FKTN: variants seen among roughly 807,000 people sequenced by gnomAD.
The protein encoded by FKTN is ribitol-5-phosphate transferase FKTN.
A neutral mutation model predicts 58.6 loss-of-function variants in FKTN; 47 were observed. The ratio of observed to expected loss-of-function variants is 0.80; its 90% confidence interval spans 0.63 to 1.02. The LOEUF (loss-of-function observed/expected upper bound fraction) is 1.02. FKTN is among the 50% of genes least tolerant of loss of function. FKTN has a pLI of 0.00. For missense variants in FKTN, 516 were observed against 537.3 expected (o/e 0.96, Z 0.39); for synonymous variants, 178 against 191.9 (o/e 0.93, Z 0.60).
chr9:105,584,922 A>G (rs1412056227), intron 3 of FKTN, among the ~76,000 whole-genome samples: 1 of 152,108 alleles, frequency 6.6e-6, no homozygotes, highest in Non-Finnish European at 1.5e-5. Flanking sequence ...GAGTTCAGAA[A>G]CTGTTATTTA....
rs571072693 is a variant in FKTN, at chr9:105,561,969, G to A, written c.-181+3804G>A. On this transcript the variant is annotated intron_variant, in intron 1 of 10. Coordinates refer to ENST00000357998, the MANE Select transcript of FKTN (RefSeq NM_001079802.2). ...CTGACCTCTGAATTCATTTTCAGAC[G>A]CATTTTCTCTTTATGCCTGCCAATC... Among the ~76,000 whole-genome samples, 30 of 150,580 alleles carry A rather than the reference G, an allele frequency of 2.0e-4. No homozygotes were observed. The South Asian group carries it at 5.9e-3, about 30-fold the overall frequency.
intron 3 of FKTN, among the ~76,000 whole-genome samples, chr9:105,594,861 G>A (rs941737026): frequency 6.6e-6 from 1 of 152,206 alleles, no homozygotes; most frequent in Non-Finnish European, 1.5e-5. Context: ...GAAGTCAGAT[G>A]GAGGAAAGTT....
chr9:105,607,603 T>C (rs568754248), intron 6 of FKTN, among the ~76,000 whole-genome samples: 1 of 151,948 alleles, frequency 6.6e-6, no homozygotes, highest in East Asian at 1.9e-4. Flanking sequence ...TCTTTTATTA[T>C]TATTATTATT....
intron 1 of FKTN, among the ~76,000 whole-genome samples, chr9:105,563,668 G>A (rs1403048004): frequency 6.6e-6 from 1 of 152,182 alleles, no homozygotes; most frequent in African/African-American, 2.4e-5. Flanking sequence ...CTCGAACTGG[G>A]TGGAGCCCAC....
intron 3 of FKTN, among the ~76,000 whole-genome samples, chr9:105,583,770 C>T (rs1195533338): frequency 6.6e-6 from 1 of 151,814 alleles, no homozygotes; most frequent in Non-Finnish European, 1.5e-5. Context: ...TATAAGTAGC[C>T]CAAGATTATG....
chr9:105,572,253 T>A (rs2131954902), intron 1 of FKTN, among the ~76,000 whole-genome samples: 1 of 149,850 alleles, frequency 6.7e-6, no homozygotes, highest in East Asian at 2.0e-4. Flanking sequence ...TATATATATT[T>A]TAGTGTTTGC....
intron 1 of FKTN, among the ~76,000 whole-genome samples, chr9:105,568,291 A>T (rs1324753824): frequency 9.2e-5 from 14 of 152,200 alleles, no homozygotes; most frequent in South Asian, 4.1e-4. Flanking sequence ...AATTGACAAA[A>T]GGGAGCTAAT....
chr9:105,561,226 A>G (rs955807811), intron 1 of FKTN, among the ~76,000 whole-genome samples: 1 of 152,124 alleles, frequency 6.6e-6, no homozygotes, highest in African/African-American at 2.4e-5. Flanking sequence ...GTGAGCTATG[A>G]TTGTGACACT....
chr9:105,631,603 T>C (rs956652701), intron 10 of FKTN, among the ~76,000 whole-genome samples: 8 of 151,320 alleles, frequency 5.3e-5, no homozygotes, highest in African/African-American at 9.7e-5. Flanking sequence ...AAAAAGTGGG[T>C]GAAGGACATG....
intron 3 of FKTN, among the ~76,000 whole-genome samples, chr9:105,592,295 A>C (rs991110732): frequency 3.3e-5 from 5 of 152,206 alleles, no homozygotes; most frequent in Non-Finnish European, 5.9e-5. Context: ...ACATATGAGC[A>C]TAGGTTGTTA....
Position 105,636,168 on chromosome 9 carries a change from A to G in FKTN, c.*904A>G. On this transcript the variant is annotated 3_prime_UTR_variant, in exon 11 of 11. Transcript: ENST00000357998. ...TACATTTTATATTTTCTGAATTTAT[A>G]ATCTGTGCACTCCCAATTTTAATGA... 1 of 925,014 alleles carries G rather than the reference A, an allele frequency of 1.1e-6. No homozygotes were observed. The highest frequency in any genetic ancestry group is 1.3e-6 in the Non-Finnish European group (1 of 775,042). 57.3% of individuals were successfully genotyped at this position (925,014 alleles called of 1,614,324 possible).
intron 9 of FKTN, among the ~76,000 whole-genome samples, 200 bp downstream of exon 9, chr9:105,618,292 C>T (rs1831198495): frequency 6.6e-6 from 1 of 152,136 alleles, no homozygotes; most frequent in South Asian, 2.1e-4. Flanking sequence ...TGGCTTTCTA[C>T]TGGGTTGGTG....
Position 105,636,025 on chromosome 9 carries a change from A to G in FKTN, c.*761A>G. ...TGACCTCTGATGGCACTTGTTGACA[A>G]ATCATTCAAGTGAGACCATGTTACT... is the stretch of plus-strand genomic sequence containing the variant. On this transcript the variant is annotated 3_prime_UTR_variant, in exon 11 of 11. Transcript: ENST00000357998. 1 of 985,480 alleles carries G rather than the reference A, an allele frequency of 1.0e-6. No individual in the cohort carries two copies. The highest frequency in any genetic ancestry group is 1.2e-6 in the Non-Finnish European group (1 of 829,950). 61.0% of individuals were successfully genotyped at this position (985,480 alleles called of 1,614,324 possible). A position where few individuals can be genotyped will look rare whatever the true frequency, so the allele number is the denominator to read the frequency against.
At chr9:105,561,571 C>CA (rs1230055358) in intron 1 of FKTN, among the ~76,000 whole-genome samples, 9 of 152,292 alleles carry the variant, frequency 5.9e-5, no homozygotes, top group African/African-American at 2.2e-4. Flanking sequence ...CACTATCTTT[C>CA]CAAAACCCTC....
rs563189363 is a variant in FKTN at position 105,598,457 on chromosome 9, A to C, written c.165+1800A>C. 2.1e-3 allele frequency: 320 copies of C among 155,256 alleles called. 2 individuals carry two copies. Among genetic ancestry groups the C allele is most frequent in the African/African-American group, 7.1e-3 (296 of 41,594 alleles). 9.6% of individuals were successfully genotyped at this position (155,256 alleles called of 1,614,324 possible). A position where few individuals can be genotyped will look rare whatever the true frequency, so the allele number is the denominator to read the frequency against. ...ATTAGGAACTAGGCTTTTACTAAGA[A>C]CAAGTCCTGCCAAGACTTTTTAGGT... On this transcript the variant is annotated intron_variant, in intron 4 of 10. Coordinates refer to ENST00000357998, the MANE Select transcript of FKTN (RefSeq NM_001079802.2).
At chr9:105,630,284 T>G (rs1833255098) in intron 10 of FKTN, among the ~76,000 whole-genome samples, 1 of 152,088 alleles carries the variant, frequency 6.6e-6, no homozygotes, top group Admixed American at 6.5e-5. Flanking sequence ...CAAAACAAAA[T>G]GCGGTAGATA....
At chr9:105,620,195 T>A in intron 10 of FKTN, 134 bp downstream of exon 10, 1 of 719,182 alleles carries the variant, frequency 1.4e-6, no homozygotes, top group Non-Finnish European at 2.3e-6. Flanking sequence ...TTTCTTAGCT[T>A]ACCCATAGAG....
intron 3 of FKTN, among the ~76,000 whole-genome samples, chr9:105,594,525 A>C (rs1405044406): frequency 6.6e-6 from 1 of 152,242 alleles, no homozygotes; most frequent in Non-Finnish European, 1.5e-5. Context: ...TGGGAGGCGG[A>C]AGCAAGTGGA....
intron 7 of FKTN, among the ~76,000 whole-genome samples, chr9:105,609,482 A>G (rs921893391): frequency 3.9e-5 from 6 of 152,130 alleles, no homozygotes; most frequent in African/African-American, 1.4e-4. Context: ...TTACCATTTA[A>G]TCCCTATTCA....
Sources: allele counts gnomAD v4.1 joint callset (sites outside exome capture counted in the v4.1 genomes callset), GRCh38; gene constraint gnomAD v4.1.1; transcripts MANE v1.5; gene names NCBI Gene and HGNC (gene_info 2026-07-23, HGNC 2026-07-21).